MYO16: variants seen among roughly 807,000 people sequenced by gnomAD.
The protein encoded by MYO16 is myosin XVI, also known as unconventional myosin-XVI.
MYO16 carries 94 observed loss-of-function variants against 205.3 expected under a neutral mutation model. The ratio of observed to expected loss-of-function variants is 0.46; its 90% CI spans 0.39 to 0.54. The LOEUF (loss-of-function observed/expected upper bound fraction) is 0.54, where lower values mean the gene tolerates loss of function less well. Ranked by LOEUF, MYO16 falls within the 20% of genes least tolerant of loss-of-function variation. MYO16 has a pLI of 0.00. For missense variants in MYO16, 2,315 were observed against 2,387.5 expected (o/e 0.97, Z 0.63); for synonymous variants, 988 against 954.0 (o/e 1.04, Z -0.66).
At chr13:108,560,387 G>A in the MYO16 span, among the ~76,000 whole-genome samples, 9 of 152,284 alleles carry the variant, frequency 5.9e-5, no homozygotes, top group East Asian at 1.9e-4. Context: ...ACAGGGATAC[G>A]CTCAAGCCAA....
chr13:108,911,066 C>CACAGAG (rs59417999), intron 16 of MYO16, among the ~76,000 whole-genome samples: 2,928 of 143,038 alleles, frequency 0.02, 181 homozygotes, highest in East Asian at 0.16. Flanking sequence ...CACACACACA[C>CACAGAG]AGAGAGAGAG....
chr13:108,959,942 C>T (rs1883517464), intron 17 of MYO16, among the ~76,000 whole-genome samples: 1 of 150,438 alleles, frequency 6.6e-6, no homozygotes. Flanking sequence ...CTTGTAGGTA[C>T]CGGAACCTTT....
the MYO16 span, among the ~76,000 whole-genome samples, chr13:108,536,489 T>G: frequency 6.6e-6 from 1 of 151,890 alleles, no homozygotes; most frequent in Non-Finnish European, 1.5e-5. Context: ...GGGTGGGGGT[T>G]GAATTTTAAC....
At chr13:108,637,214 A>T (rs1001552476) in intron 1 of MYO16, among the ~76,000 whole-genome samples, 2 of 152,148 alleles carry the variant, frequency 1.3e-5, no homozygotes, top group Non-Finnish European at 2.9e-5. Flanking sequence ...TGACCTAATG[A>T]TATATCTTTG....
chr13:108,555,789 C>T, the MYO16 span, among the ~76,000 whole-genome samples: 2 of 152,302 alleles, frequency 1.3e-5, no homozygotes, highest in South Asian at 2.1e-4. Flanking sequence ...CATTATTCTA[C>T]TCTCTACTTC....
intron 4 of MYO16, among the ~76,000 whole-genome samples, chr13:108,772,713 G>A (rs1886006072): frequency 6.6e-6 from 1 of 152,160 alleles, no homozygotes; most frequent in African/African-American, 2.4e-5. Context: ...TGTTGTGTAA[G>A]AGAATATCCT....
At chr13:108,558,886 C>T in the MYO16 span, among the ~76,000 whole-genome samples, 1 of 152,052 alleles carries the variant, frequency 6.6e-6, no homozygotes, top group African/African-American at 2.4e-5. Context: ...CAAAAACCCA[C>T]TATTTTTGTC....
chr13:108,964,634 C>T (rs868827656), intron 19 of MYO16, 127 bp from the exon 20 acceptor site: 41 of 997,412 alleles, frequency 4.1e-5, no homozygotes, highest in Middle Eastern at 2.2e-4. Context: ...TATGAGAATC[C>T]GTATAATTTT....
chr13:108,714,760 A>G (rs374242856), intron 3 of MYO16, among the ~76,000 whole-genome samples: 17 of 152,216 alleles, frequency 1.1e-4, no homozygotes, highest in East Asian at 9.6e-4. Context: ...ATTTTTCTAT[A>G]TATAGATGAT....
chr13:108,957,675 T>C lies in MYO16; in HGVS notation c.1926-13T>C. ...AGCCAGGCGATAACGTTACGTGCCTTGTCTCCTAACAGGTATTTGAACCAG... is the reference window on the plus strand; with the variant it reads ...AGCCAGGCGATAACGTTACGTGCCTCGTCTCCTAACAGGTATTTGAACCAG... On this transcript the variant is annotated splice_polypyrimidine_tract_variant and intron_variant, in intron 16 of 34. Coordinates refer to ENST00000457511, the MANE Select transcript of MYO16 (RefSeq NM_001198950.3). The C allele has an allele frequency of 6.3e-7, 1 of 1,577,184 alleles. No individual in the cohort carries two copies. Among genetic ancestry groups the C allele is most frequent in the Non-Finnish European group, 8.7e-7 (1 of 1,147,610 alleles).
intron 16 of MYO16, among the ~76,000 whole-genome samples, chr13:108,945,598 G>A (rs1271025426): frequency 6.6e-6 from 1 of 151,740 alleles, no homozygotes; most frequent in Admixed American, 6.6e-5. Context: ...AATTAACTAG[G>A]CATTTTTACT....
the MYO16 span, among the ~76,000 whole-genome samples, chr13:108,510,485 T>TTTTTTTTTTTTTTTTTA: frequency 3.1e-5 from 3 of 96,440 alleles, no homozygotes; most frequent in Admixed American, 1.0e-4. Context: ...TTTTTTTTTT[T>TTTTTTTTTTTTTTTTTA]ATTGTACTTT....
intron 7 of MYO16, among the ~76,000 whole-genome samples, chr13:108,807,752 T>C (rs1437110534): frequency 6.6e-6 from 1 of 152,212 alleles, no homozygotes; most frequent in Non-Finnish European, 1.5e-5. Flanking sequence ...CCAGGGTTAT[T>C]GTCATAATTA....
At chr13:108,847,554 CAT>C (rs1256765285) in intron 10 of MYO16, among the ~76,000 whole-genome samples, 1 of 152,124 alleles carries the variant, frequency 6.6e-6, no homozygotes, top group African/African-American at 2.4e-5. Flanking sequence ...ATAAATACAT[CAT>C]GTGGAAAATT....
At chr13:109,072,938 G>A (rs1887971634) in intron 27 of MYO16, among the ~76,000 whole-genome samples, 1 of 152,056 alleles carries the variant, frequency 6.6e-6, no homozygotes, top group Admixed American at 6.5e-5. Context: ...TGGATTGTCT[G>A]CTACGTACAA....
upstream of MYO16, among the ~76,000 whole-genome samples, chr13:108,592,556 G>T: frequency 6.8e-6 from 1 of 147,162 alleles, no homozygotes; most frequent in Non-Finnish European, 1.5e-5. Context: ...GGGGTGTGGG[G>T]TATGGAGTGA....
chr13:108,649,162 C>T (rs983785564), intron 1 of MYO16, among the ~76,000 whole-genome samples: 2 of 152,002 alleles, frequency 1.3e-5, no homozygotes, highest in Non-Finnish European at 2.9e-5. Context: ...CAATATGGCG[C>T]ATGGATACGT....
At chr13:108,520,252 C>G in the MYO16 span, among the ~76,000 whole-genome samples, 1 of 151,938 alleles carries the variant, frequency 6.6e-6, no homozygotes, top group Non-Finnish European at 1.5e-5. Flanking sequence ...TAGTGAGAAT[C>G]AAATTATGCA....
At chr13:108,833,512 C>T (rs1418650308) in intron 9 of MYO16, among the ~76,000 whole-genome samples, 3 of 152,134 alleles carry the variant, frequency 2.0e-5, no homozygotes, top group African/African-American at 4.8e-5. Flanking sequence ...TCACACATGC[C>T]ATATCTTTAC....
Sources: allele counts gnomAD v4.1 joint callset (sites outside exome capture counted in the v4.1 genomes callset), GRCh38; gene constraint gnomAD v4.1.1; transcripts MANE v1.5; gene names NCBI Gene and HGNC (gene_info 2026-07-23, HGNC 2026-07-21).